ZBTB16: variants seen among roughly 807,000 people sequenced by gnomAD.
ZBTB16 encodes the protein zinc finger and BTB domain containing 16.
Under a neutral mutation model 56.8 loss-of-function variants are expected in ZBTB16, and 8 were observed. The observed-to-expected ratio is 0.14, with a 90% CI of 0.08 to 0.25. The LOEUF is 0.25. Ranked by LOEUF, ZBTB16 falls within the 10% of genes least tolerant of loss-of-function variation. The pLI, the probability that ZBTB16 is intolerant of heterozygous loss-of-function variation, is 1.00. For missense variants in ZBTB16, 625 were observed against 903.0 expected, an observed-to-expected ratio of 0.69 and a Z score of 3.95; for synonymous variants, 363 against 368.5, an observed-to-expected ratio of 0.98 and a Z score of 0.17.
chr11:114,064,589 G>T lies in ZBTB16; in HGVS notation c.1268+21G>T, dbSNP rs79924531. 1 of 1,612,356 alleles carries T rather than the reference G, an allele frequency of 6.2e-7. No homozygotes were observed. Among genetic ancestry groups the T allele is most frequent in the Admixed American group, 1.7e-5 (1 of 60,004 alleles). On this transcript the variant is annotated intron_variant, in intron 2 of 6. Coordinates refer to ENST00000335953, the MANE Select transcript of ZBTB16 (RefSeq NM_006006.6). This position sits in a 1 kb window ranked among gnomAD's most constrained non-coding sequence, Gnocchi z 4.2. ...CACAGGTAGGCCCCGCTCCAGCCCC[G>T]CACCTGATGTAGGACTTGAGGCCCT...
intron 3 of ZBTB16, among the ~76,000 whole-genome samples, chr11:114,175,889 C>T (rs1339447252): frequency 6.6e-6 from 1 of 152,058 alleles, no homozygotes; most frequent in East Asian, 1.9e-4. Context: ...GGAGTAGGCA[C>T]TTGGATCCCG....
At chr11:114,189,476 G>A (rs898378284) in intron 4 of ZBTB16, 10 of 152,234 alleles carry the variant, frequency 6.6e-5, no homozygotes, top group African/African-American at 2.4e-4. Flanking sequence ...TCATGGGAGT[G>A]TAAAATGGTG....
rs1373863262 is a variant in ZBTB16, at chr11:114,250,153, ATG to A, written c.1793-168_1793-167del. On this transcript the variant is annotated intron_variant, in intron 6 of 6. Coordinates refer to ENST00000335953, the MANE Select transcript of ZBTB16 (RefSeq NM_006006.6). This position sits in a 1 kb window ranked among gnomAD's most constrained non-coding sequence, Gnocchi z 6.0. ...AGTCGCACCAGCCTCATTCATAGCC[ATG>A]TGTGACTGGTGGCTGCCGTCTTGGG... 4.6e-5 allele frequency among the ~76,000 whole-genome samples: 7 copies of A among 152,218 alleles called. No individual in the cohort carries two copies. The highest frequency in any genetic ancestry group is 7.2e-5 in the African/African-American group (3 of 41,466).
In ZBTB16 at chr11:114,178,389, G is replaced by A. The variant is rs114425866; in HGVS notation, c.1367-8563G>A. On this transcript the variant is annotated intron_variant, in intron 3 of 6. Transcript: ENST00000335953. ...TAAACACTCTGAGCCCAGTTTTCTA[G>A]GTAAGAAACAGGCCCAGAAGAGATA... Among the ~76,000 whole-genome samples, 684 of 152,234 alleles carry A rather than the reference G, an allele frequency of 4.5e-3. 3 individuals carry two copies. The highest frequency in any genetic ancestry group is 0.015 in the African/African-American group (632 of 41,526).
chr11:114,194,051 G>A (rs1943555573), intron 4 of ZBTB16, among the ~76,000 whole-genome samples: 1 of 152,152 alleles, frequency 6.6e-6, no homozygotes, highest in Admixed American at 6.5e-5. Context: ...CCTGTTTAGA[G>A]GTCATTGAGT....
chr11:114,234,471 G>A (rs1181335417), intron 4 of ZBTB16, among the ~76,000 whole-genome samples: 12 of 152,180 alleles, frequency 7.9e-5, no homozygotes, highest in Admixed American at 5.2e-4. Flanking sequence ...GAGTTTCCAG[G>A]GTTCGGTGGG....
Position 114,090,569 on chromosome 11 carries a change from G to A in ZBTB16, c.1268+26001G>A, listed in dbSNP as rs1161707205. Reference sequence around the variant, plus strand: ...GTGAGAAGATGGTTTTGGAGGGCTGGGCTGAGGTCTAGGCAGGCAAGAGCT... The same window carrying A: ...GTGAGAAGATGGTTTTGGAGGGCTGAGCTGAGGTCTAGGCAGGCAAGAGCT... On this transcript the variant is annotated intron_variant, in intron 2 of 6. Transcript: ENST00000335953. Among the ~76,000 whole-genome samples the A allele has an allele frequency of 5.3e-5, 8 of 152,178 alleles. 1 individual carries two copies. The highest frequency in any genetic ancestry group is 1.2e-4 in the Non-Finnish European group (8 of 68,028).
At chr11:114,218,267 G>A (rs1251742144) in intron 4 of ZBTB16, among the ~76,000 whole-genome samples, 1 of 152,154 alleles carries the variant, frequency 6.6e-6, no homozygotes, top group Non-Finnish European at 1.5e-5. Flanking sequence ...CTTTGCACAT[G>A]TGTCTCTCTT....
At position 114,063,901 on chromosome 11, in the gene ZBTB16, G is replaced by T. The variant is rs111515613; in HGVS notation, c.601G>T (p.Ala201Ser). The part of the protein sequence containing the change: ...FGLSAMSPTK[A>S]AVDSLMTIGQ... ...TCTTTCAGCCATGAGTCCCACCAAG[G>T]CTGCAGTGGACAGTTTGATGACCAT... Residue 201 changes from alanine to serine, a missense_variant, in exon 2 of 7, where the codon GCT (alanine) becomes TCT (serine). Ala to Ser is a moderately conservative substitution (Grantham distance 99). Coordinates refer to ENST00000335953, the MANE Select transcript of ZBTB16 (RefSeq NM_006006.6). The surrounding 1 kb of genome is among the most constrained non-coding windows in gnomAD (Gnocchi z 6.5). The T allele has an allele frequency of 6.2e-7, 1 of 1,614,020 alleles. No homozygotes were observed. The highest frequency in any genetic ancestry group is 1.1e-5 in the South Asian group (1 of 91,088).
chr11:114,060,985 G>T lies in ZBTB16; in HGVS notation c.-91+1103G>T, dbSNP rs547642811. On this transcript the variant is annotated intron_variant, in intron 1 of 6. Coordinates refer to ENST00000335953, the MANE Select transcript of ZBTB16 (RefSeq NM_006006.6). The surrounding 1 kb of genome is among the most constrained non-coding windows in gnomAD (Gnocchi z 6.0). ...CCGCCTCCCCTGCCGCTCTCGCCGCGGAGTCCAGCCCGCCCGGACTGTCGC... is the reference window on the plus strand; with the variant it reads ...CCGCCTCCCCTGCCGCTCTCGCCGCTGAGTCCAGCCCGCCCGGACTGTCGC... Among the ~76,000 whole-genome samples the T allele has an allele frequency of 6.6e-6, 1 of 152,282 alleles. No individual in the cohort carries two copies. The highest frequency in any genetic ancestry group is 2.4e-5 in the African/African-American group (1 of 41,578).
rs1418904301 is a variant in ZBTB16, at chr11:114,064,839, C to T, written c.1268+271C>T. ...CTTCCCTTTGTTTTTTGCTTTTGGG[C>T]CCCTGTTTGTTTTTTCGGCTGTTTG... On this transcript the variant is annotated intron_variant, in intron 2 of 6. Transcript: ENST00000335953. The surrounding 1 kb of genome is among the most constrained non-coding windows in gnomAD (Gnocchi z 4.2). 2.6e-5 allele frequency among the ~76,000 whole-genome samples: 4 copies of T among 152,078 alleles called. No homozygotes were observed. The highest frequency in any genetic ancestry group is 2.6e-4 in the Admixed American group (4 of 15,272).
intron 4 of ZBTB16, chr11:114,188,287 A>T (rs1943409712): frequency 6.6e-6 from 1 of 152,376 alleles, no homozygotes; most frequent in Non-Finnish European, 1.5e-5. Context: ...TAGATGAGGA[A>T]ACTGAGGCTG....
chr11:114,156,491 C>T, intron 3 of ZBTB16, 57 bp downstream of exon 3: 2 of 1,535,954 alleles, frequency 1.3e-6, no homozygotes, highest in East Asian at 2.2e-5. Flanking sequence ...TCCTGCTTGC[C>T]TTTACCCCTC....
At chr11:114,185,939 A>C (rs1943350577) in intron 3 of ZBTB16, among the ~76,000 whole-genome samples, 1 of 152,224 alleles carries the variant, frequency 6.6e-6, no homozygotes, top group Non-Finnish European at 1.5e-5. Context: ...TATTCCACAA[A>C]TATGTATAGT....
At chr11:114,086,181 G>A (rs923984574) in intron 2 of ZBTB16, among the ~76,000 whole-genome samples, 6 of 152,130 alleles carry the variant, frequency 3.9e-5, no homozygotes, top group African/African-American at 1.4e-4. Context: ...CAAACATTAC[G>A]CAGCAGTGCA....
intron 2 of ZBTB16, among the ~76,000 whole-genome samples, chr11:114,155,679 T>C (rs1942392180): frequency 6.6e-6 from 1 of 152,212 alleles, no homozygotes; most frequent in Non-Finnish European, 1.5e-5. Flanking sequence ...GAAACTCTGC[T>C]TTCTGTTGGG....
At chr11:114,184,150 T>A (rs1031147697) in intron 3 of ZBTB16, among the ~76,000 whole-genome samples, 2 of 152,230 alleles carry the variant, frequency 1.3e-5, no homozygotes, top group Non-Finnish European at 2.9e-5. Context: ...GACTCACATT[T>A]ATTGAGCACC....
At chr11:114,194,227 G>A (rs1394208082) in intron 4 of ZBTB16, among the ~76,000 whole-genome samples, 7 of 152,222 alleles carry the variant, frequency 4.6e-5, no homozygotes, top group African/African-American at 1.4e-4. Context: ...TGGAGCTCAC[G>A]TGTGGCTTTG....
chr11:114,242,362 G>T, intron 5 of ZBTB16, 25 bp downstream of exon 5: 1 of 1,611,640 alleles, frequency 6.2e-7, no homozygotes, highest in Non-Finnish European at 8.5e-7. Context: ...CTGATGGGTG[G>T]ATCTGGGTCT....
Sources: gnomAD v4.1 joint callset for allele counts (sites outside exome capture counted in the v4.1 genomes callset) on GRCh38, gnomAD v4.1.1 for gene constraint, Gnocchi (gnomAD v3.1) non-coding constraint, MANE v1.5 for transcripts, NCBI Gene and HGNC (gene_info 2026-07-23, HGNC 2026-07-21) for gene names.